The following SPRED2 variants were observed in gnomAD, a reference collection of about 807,000 sequenced individuals.
SPRED2 encodes the protein sprouty related EVH1 domain containing 2, also known as sprouty-related, EVH1 domain-containing protein 2.
Under a neutral mutation model 43.0 loss-of-function variants are expected in SPRED2, and 47 were observed. The ratio of observed to expected loss-of-function variants is 1.09; its 90% CI spans 0.87 to 1.40. SPRED2 has a LOEUF of 1.40. SPRED2 is among the 40% of genes most tolerant of loss of function. The pLI, the probability that SPRED2 is intolerant of heterozygous loss-of-function variation, is 0.00. For synonymous variants in SPRED2, 225 were observed against 225.7 expected (o/e 1.00, Z 0.03); for missense variants, 561 against 586.4 (o/e 0.96, Z 0.45).
intron 1 of SPRED2, among the ~76,000 whole-genome samples, chr2:65,354,949 T>C (rs951589808): frequency 9.2e-5 from 14 of 152,226 alleles, no homozygotes; most frequent in African/African-American, 2.2e-4. Context: ...CAAGTACCTC[T>C]TGAGGTGAGT....
At chr2:65,348,923 T>C (rs1674428069) in intron 1 of SPRED2, among the ~76,000 whole-genome samples, 1 of 152,214 alleles carries the variant, frequency 6.6e-6, no homozygotes, top group Non-Finnish European at 1.5e-5. Flanking sequence ...TGAAAAATCA[T>C]GTAGAAGTAC....
At chr2:65,331,857 G>T (rs1673820806) in intron 4 of SPRED2, 130 bp downstream of exon 4, 1 of 655,614 alleles carries the variant, frequency 1.5e-6, no homozygotes, top group Non-Finnish European at 2.6e-6. Flanking sequence ...GTAAGACAGA[G>T]ATCGCTCTGA....
chr2:65,313,246 C>T lies in SPRED2; in HGVS notation c.*255G>A, dbSNP rs1572825855. 2.3e-6 allele frequency: 3 copies of T among 1,278,824 alleles called. No homozygotes were observed. The highest frequency in any genetic ancestry group is 3.0e-6 in the Non-Finnish European group (3 of 1,013,584). 79.2% of individuals were successfully genotyped at this position (1,278,824 alleles called of 1,614,324 possible). A position where few individuals can be genotyped will look rare whatever the true frequency, so the allele number is the denominator to read the frequency against. Reference sequence around the variant, plus strand: ...TTGTTAATAGTACAGGAGTCTGTGGCGAAGGTTCCTTCCTCAGAACACTGT... The same window carrying T: ...TTGTTAATAGTACAGGAGTCTGTGGTGAAGGTTCCTTCCTCAGAACACTGT... On this transcript the variant is annotated 3_prime_UTR_variant, in exon 6 of 6. Transcript: ENST00000356388.
chr2:65,380,820 G>C (rs1013217980), intron 1 of SPRED2: 2 of 148,640 alleles, frequency 1.3e-5, no homozygotes, highest in Non-Finnish European at 3.0e-5. Context: ...TACATGCTCT[G>C]AAGTGTTTGC....
chr2:65,418,682 T>G (rs1676346952), intron 1 of SPRED2, among the ~76,000 whole-genome samples: 1 of 152,146 alleles, frequency 6.6e-6, no homozygotes, highest in South Asian at 2.1e-4. Context: ...GCCTCCCAAG[T>G]AGCTGGGACT....
At chr2:65,345,011 A>G in intron 1 of SPRED2, 115 bp from the exon 2 acceptor site, 5 of 1,049,338 alleles carry the variant, frequency 4.8e-6, no homozygotes, top group Non-Finnish European at 6.6e-6. Flanking sequence ...ATCGAAAGAA[A>G]TCTATGCTTG....
chr2:65,419,594 T>C (rs1676373302), intron 1 of SPRED2, among the ~76,000 whole-genome samples: 1 of 150,248 alleles, frequency 6.7e-6, no homozygotes, highest in South Asian at 2.1e-4. Context: ...TGTGTGTGTG[T>C]GTGTGTGTGT....
intron 1 of SPRED2, among the ~76,000 whole-genome samples, chr2:65,416,324 C>G (rs561005448): frequency 2.0e-5 from 3 of 152,130 alleles, no homozygotes; most frequent in Non-Finnish European, 4.4e-5. Flanking sequence ...CTTGTTGAGA[C>G]AGTTGGGGGG....
Position 65,432,054 on chromosome 2 carries a change from C to T in SPRED2, c.-67G>A. Reference sequence around the variant, plus strand: ...TGCTCCCTTCATCTTCCTGTCCGCTCGCCCCCCTTCTTCACATCTCCGGAG... The same window carrying T: ...TGCTCCCTTCATCTTCCTGTCCGCTTGCCCCCCTTCTTCACATCTCCGGAG... On this transcript the variant is annotated 5_prime_UTR_variant, in exon 1 of 6. Coordinates refer to ENST00000356388, the MANE Select transcript of SPRED2 (RefSeq NM_181784.3). 1 of 1,600,776 alleles carries T rather than the reference C, an allele frequency of 6.2e-7. No homozygotes were observed. Among genetic ancestry groups the T allele is most frequent in the Non-Finnish European group, 8.5e-7 (1 of 1,170,484 alleles).
At chr2:65,415,260 C>T (rs1300810021) in intron 1 of SPRED2, among the ~76,000 whole-genome samples, 1 of 152,202 alleles carries the variant, frequency 6.6e-6, no homozygotes, top group Non-Finnish European at 1.5e-5. Flanking sequence ...ACTTTTGGGC[C>T]TTCCCCACAT....
intron 1 of SPRED2, among the ~76,000 whole-genome samples, chr2:65,403,894 G>C (rs1305476570): frequency 1.3e-5 from 2 of 152,144 alleles, no homozygotes; most frequent in Admixed American, 1.3e-4. Flanking sequence ...AGCAGCAGGA[G>C]AATCAGTTTC....
chr2:65,333,918 C>T (rs932022749), intron 3 of SPRED2, among the ~76,000 whole-genome samples: 1 of 152,140 alleles, frequency 6.6e-6, no homozygotes, highest in African/African-American at 2.4e-5. Context: ...TATTAACATG[C>T]CTTGCTTGAT....
chr2:65,414,666 A>G (rs1676232533), intron 1 of SPRED2, among the ~76,000 whole-genome samples: 1 of 152,226 alleles, frequency 6.6e-6, no homozygotes, highest in South Asian at 2.1e-4. Context: ...GTCAAGATGC[A>G]TTAGTACTAT....
rs1435954569 is a variant in SPRED2 at position 65,401,970 on chromosome 2, CA to C, written c.26+29991del. Among the ~76,000 whole-genome samples the C allele has an allele frequency of 5.2e-4, 78 of 150,988 alleles. 1 individual carries two copies. Among genetic ancestry groups the C allele is most frequent in the Non-Finnish European group, 1.2e-4 (8 of 67,810 alleles). On this transcript the variant is annotated intron_variant, in intron 1 of 5. Transcript: ENST00000356388. The stretch of plus-strand genomic sequence containing the variant: ...ACACACACACACACACACACACACA[CA>C]CACCTGTTAATTTGTCTTAGGTAAT...
intron 1 of SPRED2, among the ~76,000 whole-genome samples, chr2:65,402,098 CA>C (rs1407906605): frequency 1.3e-5 from 2 of 151,182 alleles, no homozygotes; most frequent in Non-Finnish European, 3.0e-5. Context: ...GGCAACATGG[CA>C]AAACCCCATC....
intron 1 of SPRED2, among the ~76,000 whole-genome samples, chr2:65,411,422 A>C (rs1391217142): frequency 1.3e-5 from 2 of 152,250 alleles, no homozygotes; most frequent in Non-Finnish European, 2.9e-5. Flanking sequence ...ACATGCTTTT[A>C]AACAGCACTC....
chr2:65,424,224 C>T (rs958363739), intron 1 of SPRED2, among the ~76,000 whole-genome samples: 3 of 152,196 alleles, frequency 2.0e-5, no homozygotes, highest in Non-Finnish European at 4.4e-5. Context: ...CTCCAAAGTC[C>T]ATGATTCTTC....
chr2:65,314,503 G>A (rs1480515259), intron 5 of SPRED2, among the ~76,000 whole-genome samples: 2 of 152,180 alleles, frequency 1.3e-5, no homozygotes, highest in Admixed American at 6.5e-5. Flanking sequence ...TGCGTTCTCA[G>A]GAGCATGGCA....
At chr2:65,334,126 G>A in intron 3 of SPRED2, 1 of 466,898 alleles carries the variant, frequency 2.1e-6, no homozygotes, top group South Asian at 1.6e-5. Context: ...CATAGACCAA[G>A]GCCTAAACCG....
Sources: allele counts gnomAD v4.1 joint callset (sites outside exome capture counted in the v4.1 genomes callset), GRCh38; gene constraint gnomAD v4.1.1; transcripts MANE v1.5; gene names NCBI Gene and HGNC (gene_info 2026-07-23, HGNC 2026-07-21).